The following ZNF277 variants were observed in gnomAD, a reference collection of about 807,000 sequenced individuals.
ZNF277 encodes nuclear receptor-interacting factor 4.
Under a neutral mutation model 60.7 loss-of-function variants are expected in ZNF277, and 55 were observed. The ratio of observed to expected loss-of-function variants is 0.91; its 90% CI spans 0.73 to 1.13. The LOEUF is 1.13. ZNF277 is among the 50% of genes most tolerant of loss of function. The pLI, the probability that ZNF277 is intolerant of heterozygous loss-of-function variation, is 0.00. For synonymous variants in ZNF277, 178 were observed against 179.3 expected, an observed-to-expected ratio of 0.99 and a Z score of 0.06; for missense variants, 510 against 523.0, an observed-to-expected ratio of 0.98 and a Z score of 0.24.
At chr7:112,317,557 T>G (rs1456980619) in intron 4 of ZNF277, among the ~76,000 whole-genome samples, 1 of 152,048 alleles carries the variant, frequency 6.6e-6, no homozygotes, top group Non-Finnish European at 1.5e-5. Flanking sequence ...GGAACCACCT[T>G]GATTAGAGCA....
chr7:112,310,907 A>T (rs899515307), intron 4 of ZNF277, among the ~76,000 whole-genome samples: 1 of 152,076 alleles, frequency 6.6e-6, no homozygotes, highest in African/African-American at 2.4e-5. Flanking sequence ...AAGAAACTCT[A>T]TTGTAAATCT....
At chr7:112,273,268 C>G (rs923597177) in intron 1 of ZNF277, among the ~76,000 whole-genome samples, 2 of 152,162 alleles carry the variant, frequency 1.3e-5, no homozygotes, top group Non-Finnish European at 2.9e-5. Context: ...TAGGGATGGT[C>G]TAAATGCTCT....
chr7:112,269,355 A>G (rs576304290), intron 1 of ZNF277, among the ~76,000 whole-genome samples: 5 of 152,080 alleles, frequency 3.3e-5, no homozygotes, highest in Admixed American at 1.3e-4. Flanking sequence ...TCCATTTAAT[A>G]TGTTTATCTC....
chr7:112,343,420 C>T lies in ZNF277; in HGVS notation c.*691C>T, dbSNP rs1332009200. ...TTTTTTAAAAACATAACCACAATACCATTATGACACCTAAAAAACATTAAC... is the reference window on the plus strand; with the variant it reads ...TTTTTTAAAAACATAACCACAATACTATTATGACACCTAAAAAACATTAAC... On this transcript the variant is annotated 3_prime_UTR_variant, in exon 12 of 12. Coordinates refer to ENST00000361822, the MANE Select transcript of ZNF277 (RefSeq NM_021994.3). Among the ~76,000 whole-genome samples, 1 of 152,058 alleles carries T rather than the reference C, an allele frequency of 6.6e-6. No homozygotes were observed. The highest frequency in any genetic ancestry group is 2.4e-5 in the African/African-American group (1 of 41,358).
chr7:112,269,427 G>A (rs1791620179), intron 1 of ZNF277, among the ~76,000 whole-genome samples: 1 of 151,968 alleles, frequency 6.6e-6, no homozygotes, highest in South Asian at 2.1e-4. Flanking sequence ...ACAATTAGTT[G>A]TAAAGCATGT....
Position 112,333,925 on chromosome 7 carries a change from C to T in ZNF277, c.802-2179C>T, listed in dbSNP as rs141196629. On this transcript the variant is annotated intron_variant, in intron 7 of 11. Coordinates refer to ENST00000361822, the MANE Select transcript of ZNF277 (RefSeq NM_021994.3). ...CAGAGGGCAACAGACTGTTTAACAT[C>T]GAGGCTTCAGCTACATATTCCTACG... Among the ~76,000 whole-genome samples the T allele has an allele frequency of 3.0e-3, 453 of 152,204 alleles. 1 individual carries two copies. The highest frequency in any genetic ancestry group is 0.01 in the African/African-American group (430 of 41,546).
At chr7:112,267,781 G>T (rs1791583470) in intron 1 of ZNF277, among the ~76,000 whole-genome samples, 1 of 152,082 alleles carries the variant, frequency 6.6e-6, no homozygotes, top group South Asian at 2.1e-4. Context: ...CCCTAGTATT[G>T]ATATTTCCTT....
At position 112,330,139 on chromosome 7, in the gene ZNF277, C is replaced by A. The variant is rs1236177695; in HGVS notation, c.724C>A (p.His242Asn). ...CAGGGACAAAAATACACTTAAAGAT[C>A]ACATGAGGAAAAAACAGCATCGTAA... Reference protein sequence around the residue: ...TFRDKNTLKDHMRKKQHRKIN... With the variant: ...TFRDKNTLKDNMRKKQHRKIN... Residue 242 changes from histidine (H) to asparagine (N), a missense_variant, in exon 7 of 12, where the codon CAC becomes AAC. By Grantham distance (68) the His-to-Asn change is moderately conservative (BLOSUM62 1). Transcript: ENST00000361822. 6.2e-7 allele frequency: 1 copy of A among 1,613,148 alleles called. No homozygotes were observed. Among genetic ancestry groups the A allele is most frequent in the African/African-American group, 1.3e-5 (1 of 74,868 alleles).
intron 1 of ZNF277, among the ~76,000 whole-genome samples, chr7:112,257,889 C>T (rs1374500023): frequency 6.6e-6 from 1 of 152,016 alleles, no homozygotes; most frequent in Non-Finnish European, 1.5e-5. Flanking sequence ...TCGTAACTCA[C>T]AGCAACCCCG....
intron 7 of ZNF277, among the ~76,000 whole-genome samples, chr7:112,334,045 A>G (rs892507370): frequency 1.3e-5 from 2 of 152,214 alleles, no homozygotes; most frequent in African/African-American, 4.8e-5. Flanking sequence ...TTCTTAAAGT[A>G]TACAAAGCCA....
At chr7:112,316,774 C>A (rs530636427) in intron 4 of ZNF277, among the ~76,000 whole-genome samples, 13 of 152,108 alleles carry the variant, frequency 8.5e-5, no homozygotes, top group Admixed American at 8.5e-4. Context: ...GCCAGAAATA[C>A]CATTTGACTC....
At chr7:112,253,790 T>A (rs1263465051) in intron 1 of ZNF277, among the ~76,000 whole-genome samples, 2 of 152,250 alleles carry the variant, frequency 1.3e-5, no homozygotes, top group African/African-American at 2.4e-5. Flanking sequence ...GATCTATATA[T>A]GATCATCTCT....
At chr7:112,239,376 C>G (rs536554420) in intron 1 of ZNF277, among the ~76,000 whole-genome samples, 88 of 152,244 alleles carry the variant, frequency 5.8e-4, no homozygotes, top group African/African-American at 2.0e-3. Flanking sequence ...CTAAGGAGCC[C>G]TAGGGCTCAG....
chr7:112,230,006 G>A (rs1822280144), intron 1 of ZNF277, among the ~76,000 whole-genome samples: 1 of 147,996 alleles, frequency 6.8e-6, no homozygotes. Flanking sequence ...CAAGGCTAGA[G>A]AAGGGAGCAA....
intron 2 of ZNF277, among the ~76,000 whole-genome samples, chr7:112,294,616 C>T (rs1427224293): frequency 6.6e-6 from 1 of 152,110 alleles, no homozygotes; most frequent in Non-Finnish European, 1.5e-5. Context: ...TATTTTTATA[C>T]ACTATTCATT....
At chr7:112,259,948 A>C (rs1791404871) in intron 1 of ZNF277, among the ~76,000 whole-genome samples, 3 of 152,250 alleles carry the variant, frequency 2.0e-5, no homozygotes, top group African/African-American at 7.2e-5. Context: ...AAGTTCATCT[A>C]TCAGGTAAAC....
chr7:112,335,429 C>T (rs1450448649), intron 7 of ZNF277, among the ~76,000 whole-genome samples: 1 of 152,092 alleles, frequency 6.6e-6, no homozygotes, highest in Non-Finnish European at 1.5e-5. Context: ...CTCATCACTC[C>T]ATAAAGTTTT....
intron 5 of ZNF277, among the ~76,000 whole-genome samples, chr7:112,325,576 C>A (rs1019706104): frequency 3.9e-5 from 6 of 152,144 alleles, no homozygotes; most frequent in Non-Finnish European, 5.9e-5. Flanking sequence ...CTTTCAATAT[C>A]TGTATTCCTG....
intron 1 of ZNF277, among the ~76,000 whole-genome samples, chr7:112,226,098 T>C (rs1441202624): frequency 6.6e-6 from 1 of 152,170 alleles, no homozygotes; most frequent in Non-Finnish European, 1.5e-5. Context: ...GAATTTAATT[T>C]GGGAAATGCT....
Sources: allele counts gnomAD v4.1 joint callset (sites outside exome capture counted in the v4.1 genomes callset), GRCh38; gene constraint gnomAD v4.1.1; transcripts MANE v1.5; gene names NCBI Gene and HGNC (gene_info 2026-07-23, HGNC 2026-07-21).